The following ITGA11 variants were observed in gnomAD, a reference collection of about 807,000 sequenced individuals.
The protein encoded by ITGA11 is integrin alpha-11.
A neutral mutation model predicts 141.9 loss-of-function variants in ITGA11; 97 were observed. That is an observed-to-expected ratio of 0.68 (90% CI 0.58 to 0.81). The LOEUF is 0.81. ITGA11 is among the 30% of genes least tolerant of loss of function. ITGA11 has a pLI of 0.00. For synonymous variants in ITGA11, 658 were observed against 624.6 expected (o/e 1.05, Z -0.80); for missense variants, 1,387 against 1,559.2 (o/e 0.89, Z 1.86).
At chr15:68,382,540 C>T (rs1490925250) in intron 2 of ITGA11, among the ~76,000 whole-genome samples, 1 of 152,218 alleles carries the variant, frequency 6.6e-6, no homozygotes, top group South Asian at 2.1e-4. Flanking sequence ...CGTCTGGAAC[C>T]ATTCTCTCCC....
At chr15:68,389,825 G>T (rs1322151995) in intron 2 of ITGA11, among the ~76,000 whole-genome samples, 1 of 152,178 alleles carries the variant, frequency 6.6e-6, no homozygotes, top group Non-Finnish European at 1.5e-5. Context: ...GAGAGCTTCA[G>T]TGAAAAATGG....
chr15:68,366,233 C>T (rs965890030), intron 3 of ITGA11, among the ~76,000 whole-genome samples: 14 of 152,278 alleles, frequency 9.2e-5, no homozygotes, highest in African/African-American at 2.6e-4. Context: ...CAAAGCACCG[C>T]GCACACCTGC....
At chr15:68,371,112 G>A (rs945396723) in intron 2 of ITGA11, among the ~76,000 whole-genome samples, 1 of 152,138 alleles carries the variant, frequency 6.6e-6, no homozygotes, top group Non-Finnish European at 1.5e-5. Flanking sequence ...GAAATTAATT[G>A]GACCCATAAC....
At chr15:68,373,709 CTT>C (rs1427847025) in intron 2 of ITGA11, among the ~76,000 whole-genome samples, 1 of 152,202 alleles carries the variant, frequency 6.6e-6, no homozygotes, top group Non-Finnish European at 1.5e-5. Context: ...AATCTCAAGA[CTT>C]GTGCTTGGGA....
intron 5 of ITGA11, among the ~76,000 whole-genome samples, chr15:68,358,861 G>A (rs919830813): frequency 1.3e-4 from 20 of 152,172 alleles, no homozygotes; most frequent in Admixed American, 1.0e-3. Context: ...ACTACCAATC[G>A]GCCAACGCTT....
At chr15:68,334,608 T>C (rs1460914050) in intron 12 of ITGA11, among the ~76,000 whole-genome samples, 1 of 147,500 alleles carries the variant, frequency 6.8e-6, no homozygotes, top group East Asian at 2.0e-4. Context: ...GAGATGTGCC[T>C]ACATAAAGTA....
At chr15:68,395,195 G>C (rs1255247500) in intron 2 of ITGA11, among the ~76,000 whole-genome samples, 1 of 152,146 alleles carries the variant, frequency 6.6e-6, no homozygotes, top group Non-Finnish European at 1.5e-5. Flanking sequence ...AAAGACCAAA[G>C]GTAGATAAAA....
At chr15:68,406,349 C>G (rs1412890029) in intron 1 of ITGA11, among the ~76,000 whole-genome samples, 1 of 152,048 alleles carries the variant, frequency 6.6e-6, no homozygotes, top group Non-Finnish European at 1.5e-5. Flanking sequence ...AATTTCTACC[C>G]TCTCCTCCTC....
chr15:68,410,768 C>A (rs186953822), intron 1 of ITGA11, among the ~76,000 whole-genome samples: 36 of 152,246 alleles, frequency 2.4e-4, no homozygotes, highest in African/African-American at 8.7e-4. Flanking sequence ...AGTCTAGGCT[C>A]CTGTAGTAGG....
rs764653217 is a variant in ITGA11 at position 68,358,453 on chromosome 15, C to T, written c.600+5G>A. 2.5e-6 allele frequency: 4 copies of T among 1,604,924 alleles called. No individual in the cohort carries two copies. The highest frequency in any genetic ancestry group is 2.7e-5 in the African/African-American group (2 of 74,846). On this transcript the variant is annotated splice_donor_5th_base_variant and intron_variant, in intron 6 of 29. Coordinates refer to ENST00000315757, the MANE Select transcript of ITGA11 (RefSeq NM_001004439.2). The stretch of plus-strand genomic sequence containing the variant: ...AGAAGTGGAAAGAGCCCAAGAGATG[C>T]TCACCTGGATCTGCCCTGGGCCAAT...
chr15:68,315,047 G>C (rs1448072539), intron 22 of ITGA11, among the ~76,000 whole-genome samples: 4 of 152,162 alleles, frequency 2.6e-5, no homozygotes, highest in African/African-American at 4.8e-5. Context: ...AGCTACCTCT[G>C]AGAGGCCTGG....
At chr15:68,331,790 G>C in intron 14 of ITGA11, 69 bp downstream of exon 14, 1 of 1,353,200 alleles carries the variant, frequency 7.4e-7, no homozygotes, top group South Asian at 1.3e-5. Context: ...ATGAGGCACA[G>C]AAGCTCCTGG....
At chr15:68,356,003 GCAA>G (rs1180166530) in intron 7 of ITGA11, among the ~76,000 whole-genome samples, 4 of 152,324 alleles carry the variant, frequency 2.6e-5, no homozygotes, top group African/African-American at 7.2e-5. Flanking sequence ...AATGTTTTGA[GCAA>G]CAACATTACT....
At position 68,334,191 on chromosome 15, in the gene ITGA11, G is replaced by A. The variant is rs554372681; in HGVS notation, c.1425+1506C>T. Among the ~76,000 whole-genome samples, 44 of 152,384 alleles carry A rather than the reference G, an allele frequency of 2.9e-4. 1 individual carries two copies. In the South Asian group the frequency reaches 9.1e-3, roughly 32 times the overall value. Reference sequence around the variant, plus strand: ...GCCAGGGTACTTTGCCTGGCACACAGAAGGTACCTAATTAATGCTTATTGG... The same window carrying A: ...GCCAGGGTACTTTGCCTGGCACACAAAAGGTACCTAATTAATGCTTATTGG... On this transcript the variant is annotated intron_variant, in intron 12 of 29. Coordinates refer to ENST00000315757, the MANE Select transcript of ITGA11 (RefSeq NM_001004439.2).
At position 68,307,727 on chromosome 15, in the gene ITGA11, C is replaced by A. The variant is rs200764329; in HGVS notation, c.3175-31G>T. 1.1e-5 allele frequency: 17 copies of A among 1,519,204 alleles called. No homozygotes were observed. Among genetic ancestry groups the A allele is most frequent in the East Asian group, 2.3e-5 (1 of 44,280 alleles). 94.1% of individuals were successfully genotyped at this position (1,519,204 alleles called of 1,614,324 possible). A position where few individuals can be genotyped will look rare whatever the true frequency, so the allele number is the denominator to read the frequency against. ...AGAGAAGATGGGTCTCAGGGCTGAG[C>A]TGCTGGGCTAGGGGAGCAGGGGGCA... On this transcript the variant is annotated intron_variant, in intron 26 of 29. Transcript: ENST00000315757. This position sits in a 1 kb window ranked among gnomAD's most constrained non-coding sequence, Gnocchi z 6.1.
At chr15:68,428,360 G>A (rs1897192603) in intron 1 of ITGA11, among the ~76,000 whole-genome samples, 1 of 152,152 alleles carries the variant, frequency 6.6e-6, no homozygotes, top group African/African-American at 2.4e-5. Context: ...GAGAGGGCAA[G>A]GTTGAGAGGT....
chr15:68,367,420 C>T lies in ITGA11; in HGVS notation c.265+1764G>A, dbSNP rs571112174. 1.2e-4 allele frequency among the ~76,000 whole-genome samples: 19 copies of T among 152,218 alleles called. No individual in the cohort carries two copies. In the East Asian group the frequency reaches 3.3e-3, roughly 26 times the overall value. ...GGGCAGACTTGTTCCTACCTTAGGG[C>T]GTTTGCACTTGCTCCTCCTTTGTCT... On this transcript the variant is annotated intron_variant, in intron 3 of 29. Transcript: ENST00000315757.
chr15:68,330,297 T>G (rs896866686), intron 15 of ITGA11, among the ~76,000 whole-genome samples: 3 of 152,240 alleles, frequency 2.0e-5, no homozygotes, highest in African/African-American at 7.2e-5. Context: ...GCAAATATGA[T>G]TGCATTTATA....
chr15:68,377,955 C>A (rs996494510), intron 2 of ITGA11, among the ~76,000 whole-genome samples: 4 of 152,224 alleles, frequency 2.6e-5, no homozygotes, highest in African/African-American at 9.7e-5. Flanking sequence ...ATAGCCTAGG[C>A]CTGAGTCCAG....
Sources: gnomAD v4.1 joint callset for allele counts (sites outside exome capture counted in the v4.1 genomes callset) on GRCh38, gnomAD v4.1.1 for gene constraint, Gnocchi (gnomAD v3.1) non-coding constraint, MANE v1.5 for transcripts, NCBI Gene and HGNC (gene_info 2026-07-23, HGNC 2026-07-21) for gene names.